Variants in PHIP observed in about 807,000 individuals in gnomAD.
PHIP encodes the protein PHIP subunit of CUL4-Ring ligase complex.
PHIP carries 54 observed loss-of-function variants against 236.8 expected under a neutral mutation model. The observed-to-expected ratio is 0.23, with a 90% CI of 0.18 to 0.29. PHIP has a LOEUF of 0.29. PHIP is among the 10% of genes least tolerant of loss of function. The pLI is 1.00. For missense variants in PHIP, 1,370 were observed against 2,190.8 expected, an observed-to-expected ratio of 0.63 and a Z score of 7.48; for synonymous variants, 756 against 718.9, an observed-to-expected ratio of 1.05 and a Z score of -0.83.
In PHIP at chr6:78,940,548, G is replaced by GTTTT. The variant is rs36155238; in HGVS notation, c.*141_*144dup. The GTTTT allele has an allele frequency of 0.22, 18,359 of 82,562 alleles. 4,633 individuals are homozygous for GTTTT. Among genetic ancestry groups the GTTTT allele is most frequent in the East Asian group, 0.41 (1,106 of 2,690 alleles). 5.1% of individuals were successfully genotyped at this position (82,562 alleles called of 1,614,324 possible). A position where few individuals can be genotyped will look rare whatever the true frequency, so the allele number is the denominator to read the frequency against. On this transcript the variant is annotated 3_prime_UTR_variant, in exon 40 of 40. Transcript: ENST00000275034. Reference sequence around the variant, plus strand: ...AAGAAGTGAAGTGTCTCGTAAGTTTGTTTTTTTTTTTTTTTTTTTTTTTGC... The same window carrying GTTTT: ...AAGAAGTGAAGTGTCTCGTAAGTTTGTTTTTTTTTTTTTTTTTTTTTTTTTTTGC...
In PHIP at chr6:78,943,126, T is replaced by C. The variant is rs560828514; in HGVS notation, c.4829-1796A>G. ...ATATAATGGGATAAATAAAATATTA[T>C]TAAAATTAACTTTACCTGTTTTTAC... is the stretch of plus-strand genomic sequence containing the variant. On this transcript the variant is annotated intron_variant, in intron 39 of 39. Coordinates refer to ENST00000275034, the MANE Select transcript of PHIP (RefSeq NM_017934.7). Among the ~76,000 whole-genome samples, 74 of 152,290 alleles carry C rather than the reference T, an allele frequency of 4.9e-4. 1 individual carries two copies. Among genetic ancestry groups the C allele is most frequent in the African/African-American group, 1.7e-3 (71 of 41,572 alleles).
At chr6:79,050,492 A>G (rs1174650016) in intron 6 of PHIP, among the ~76,000 whole-genome samples, 2 of 152,202 alleles carry the variant, frequency 1.3e-5, no homozygotes, top group African/African-American at 4.8e-5. Flanking sequence ...TATGCTGCCT[A>G]TGCAGATCAA....
chr6:78,991,209 A>G (rs1769220183), intron 19 of PHIP, among the ~76,000 whole-genome samples: 1 of 152,104 alleles, frequency 6.6e-6, no homozygotes, highest in South Asian at 2.1e-4. Context: ...CCCCAACTTG[A>G]TACTACTGGT....
chr6:78,993,179 A>AG (rs1427359689), intron 19 of PHIP, among the ~76,000 whole-genome samples: 1 of 152,248 alleles, frequency 6.6e-6, no homozygotes, highest in Non-Finnish European at 1.5e-5. Context: ...AGGTTGGAAG[A>AG]GGGGAAAAAG....
At chr6:79,057,474 G>A (rs1773130263) in intron 6 of PHIP, among the ~76,000 whole-genome samples, 1 of 152,012 alleles carries the variant, frequency 6.6e-6, no homozygotes. Context: ...AACCATCTGT[G>A]TAACTTCTCA....
At chr6:79,016,066 G>C (rs1241582243) in intron 13 of PHIP, among the ~76,000 whole-genome samples, 1 of 151,826 alleles carries the variant, frequency 6.6e-6, no homozygotes, top group Non-Finnish European at 1.5e-5. Flanking sequence ...GTGCCATGCT[G>C]CTCACTCTCC....
chr6:78,980,642 T>C (rs1562148715), intron 23 of PHIP, among the ~76,000 whole-genome samples: 1 of 152,000 alleles, frequency 6.6e-6, no homozygotes, highest in Non-Finnish European at 1.5e-5. Flanking sequence ...AACAGTAATT[T>C]GATATATACA....
intron 7 of PHIP, among the ~76,000 whole-genome samples, chr6:79,033,662 C>G (rs910751496): frequency 1.3e-5 from 2 of 152,134 alleles, no homozygotes; most frequent in Admixed American, 6.5e-5. Flanking sequence ...TTTTGATCTC[C>G]TATAGAGACC....
chr6:78,986,584 C>T (rs1002064494), intron 21 of PHIP, among the ~76,000 whole-genome samples: 1 of 152,168 alleles, frequency 6.6e-6, no homozygotes, highest in East Asian at 1.9e-4. Flanking sequence ...GATTTAAGCC[C>T]AGGTCACTTT....
chr6:79,056,522 G>C (rs1022986887), intron 6 of PHIP, among the ~76,000 whole-genome samples: 1 of 152,150 alleles, frequency 6.6e-6, no homozygotes, highest in Non-Finnish European at 1.5e-5. Flanking sequence ...AAAAAGTTTA[G>C]AGCAGTGATA....
At chr6:78,978,050 T>C (rs1768239097) in intron 24 of PHIP, among the ~76,000 whole-genome samples, 1 of 152,104 alleles carries the variant, frequency 6.6e-6, no homozygotes, top group South Asian at 2.1e-4. Flanking sequence ...TGAGACCAGT[T>C]CTTACATTTT....
chr6:79,053,622 A>T (rs554491739), intron 6 of PHIP, among the ~76,000 whole-genome samples: 1 of 152,340 alleles, frequency 6.6e-6, no homozygotes, highest in East Asian at 1.9e-4. Flanking sequence ...CCAGGTCCAA[A>T]AGATGTCTAA....
chr6:78,970,867 G>A lies in PHIP; in HGVS notation c.2911C>T (p.His971Tyr), dbSNP rs1158089328. ...CGGGCCATTTCGACATAGGCTTCATGTCCTTGTCGGAAATAATAAACCTAA... is the reference window on the plus strand; with the variant it reads ...CGGGCCATTTCGACATAGGCTTCATATCCTTGTCGGAAATAATAAACCTAA... Reference protein sequence around the residue: ...GDEVYYFRQGHEAYVEMARKN... With the variant: ...GDEVYYFRQGYEAYVEMARKN... The change falls in exon 25 of 40, where the codon CAT becomes TAT. Residue 971 changes from histidine to tyrosine, a missense_variant. His to Tyr is a moderately conservative substitution (Grantham distance 83). Transcript: ENST00000275034. The A allele has an allele frequency of 6.2e-7, 1 of 1,606,540 alleles. No homozygotes were observed. Among genetic ancestry groups the A allele is most frequent in the East Asian group, 2.2e-5 (1 of 44,700 alleles).
intron 6 of PHIP, among the ~76,000 whole-genome samples, chr6:79,046,535 G>C (rs1196459562): frequency 6.6e-6 from 1 of 152,148 alleles, no homozygotes; most frequent in Non-Finnish European, 1.5e-5. Flanking sequence ...ATTAGCCTAA[G>C]AGCTGACACA....
In PHIP at chr6:79,078,134, C is replaced by T; in HGVS notation, c.-66G>A. ...CGCCGAGGGGAAGCGGGGACGGTGC[C>T]GCCGCCTGCCCTATAGCTGTCAGTG... On this transcript the variant is annotated 5_prime_UTR_variant, in exon 1 of 40. Transcript: ENST00000275034. 3 of 1,520,314 alleles carry T rather than the reference C, an allele frequency of 2.0e-6. No individual in the cohort carries two copies. The highest frequency in any genetic ancestry group is 2.3e-5 in the South Asian group (2 of 87,780). 94.2% of individuals were successfully genotyped at this position (1,520,314 alleles called of 1,614,324 possible). A position where few individuals can be genotyped will look rare whatever the true frequency, so the allele number is the denominator to read the frequency against.
chr6:78,948,897 TGAA>T (rs1554194743), intron 35 of PHIP, among the ~76,000 whole-genome samples: 7 of 152,242 alleles, frequency 4.6e-5, no homozygotes, highest in Non-Finnish European at 1.0e-4. Context: ...CGTCTGACCA[TGAA>T]GAAGGTGTCC....
At chr6:79,072,831 T>C (rs900025093) in intron 4 of PHIP, among the ~76,000 whole-genome samples, 13 of 152,186 alleles carry the variant, frequency 8.5e-5, no homozygotes, top group African/African-American at 2.2e-4. Context: ...TACATACTTG[T>C]GCCTGGAATA....
At chr6:78,968,253 AC>A (rs1767280718) in intron 27 of PHIP, among the ~76,000 whole-genome samples, 1 of 151,906 alleles carries the variant, frequency 6.6e-6, no homozygotes, top group South Asian at 2.1e-4. Flanking sequence ...TATTTTACCT[AC>A]TACTTCTTGA....
chr6:78,952,179 G>A (rs967924745), intron 35 of PHIP, among the ~76,000 whole-genome samples: 2 of 151,960 alleles, frequency 1.3e-5, no homozygotes, highest in African/African-American at 4.8e-5. Context: ...CAGCACTTTG[G>A]GGAGGCTGAG....
Sources: gnomAD v4.1 joint callset for allele counts (sites outside exome capture counted in the v4.1 genomes callset) on GRCh38, gnomAD v4.1.1 for gene constraint, MANE v1.5 for transcripts, NCBI Gene and HGNC (gene_info 2026-07-23, HGNC 2026-07-21) for gene names.